The following LRMDA variants were observed in gnomAD, a reference collection of about 807,000 sequenced individuals.
The protein encoded by LRMDA is leucine-rich melanocyte differentiation-associated protein.
LRMDA carries 18 observed loss-of-function variants against 29.8 expected under a neutral mutation model. The ratio of observed to expected loss-of-function variants is 0.60; its 90% CI spans 0.42 to 0.90. The LOEUF is 0.90. LRMDA is among the 40% of genes least tolerant of loss of function. The pLI, the probability that LRMDA is intolerant of heterozygous loss-of-function variation, is 0.00. For synonymous variants in LRMDA, 125 were observed against 109.4 expected (o/e 1.14, Z -0.89); for missense variants, 273 against 273.9 (o/e 1.00, Z 0.02).
chr10:76,550,060 C>T (rs1276585574), intron 6 of LRMDA, among the ~76,000 whole-genome samples: 2 of 152,040 alleles, frequency 1.3e-5, no homozygotes, highest in African/African-American at 4.8e-5. Flanking sequence ...TTGGCCAGAG[C>T]TGATTGAGGA....
intron 6 of LRMDA, among the ~76,000 whole-genome samples, chr10:76,548,863 T>C (rs868733985): frequency 4.6e-5 from 7 of 152,198 alleles, no homozygotes; most frequent in African/African-American, 1.4e-4. Flanking sequence ...TAGCCTAATA[T>C]TTCTTTCATG....
chr10:75,729,654 G>T (rs565237719), intron 2 of LRMDA, among the ~76,000 whole-genome samples: 1 of 152,306 alleles, frequency 6.6e-6, no homozygotes, highest in South Asian at 2.1e-4. Flanking sequence ...AAATACTAAG[G>T]TGAGGGAGTT....
intron 5 of LRMDA, among the ~76,000 whole-genome samples, chr10:76,066,476 C>G (rs945176481): frequency 1.3e-5 from 2 of 151,932 alleles, no homozygotes; most frequent in Non-Finnish European, 2.9e-5. Context: ...TTTTTTCCCC[C>G]GGGTCTTCCT....
intron 6 of LRMDA, among the ~76,000 whole-genome samples, chr10:76,429,401 A>G (rs1186837140): frequency 6.6e-6 from 1 of 152,154 alleles, no homozygotes; most frequent in Non-Finnish European, 1.5e-5. Flanking sequence ...TTCTCCCCTT[A>G]TGAAGATTGC....
intron 2 of LRMDA, among the ~76,000 whole-genome samples, chr10:75,917,253 C>A (rs1346048610): frequency 1.3e-5 from 2 of 152,148 alleles, no homozygotes; most frequent in Non-Finnish European, 2.9e-5. Context: ...TGTGGCCTCT[C>A]CTCTGTCTCC....
chr10:76,038,871 G>A (rs1848296295), intron 3 of LRMDA, among the ~76,000 whole-genome samples: 1 of 152,134 alleles, frequency 6.6e-6, no homozygotes, highest in Non-Finnish European at 1.5e-5. Flanking sequence ...TCAGATGTTT[G>A]GCCAGGGCTC....
intron 2 of LRMDA, among the ~76,000 whole-genome samples, chr10:75,599,133 A>G (rs940640424): frequency 1.3e-5 from 2 of 148,648 alleles, no homozygotes; most frequent in Admixed American, 6.6e-5. Context: ...TCTAGCCATT[A>G]CCGGCTGGCG....
intron 2 of LRMDA, among the ~76,000 whole-genome samples, chr10:75,951,637 A>G (rs1047099005): frequency 3.9e-5 from 6 of 152,210 alleles, no homozygotes; most frequent in Non-Finnish European, 5.9e-5. Flanking sequence ...GAATCACTTA[A>G]AACAAATCAT....
intron 2 of LRMDA, among the ~76,000 whole-genome samples, chr10:75,653,174 C>T (rs1468505959): frequency 6.6e-6 from 1 of 152,132 alleles, no homozygotes; most frequent in Admixed American, 6.5e-5. Context: ...ATTCCTATTC[C>T]AGGTGAAGAT....
At chr10:76,020,458 C>T (rs1236758934) in intron 2 of LRMDA, among the ~76,000 whole-genome samples, 1 of 152,220 alleles carries the variant, frequency 6.6e-6, no homozygotes, top group Non-Finnish European at 1.5e-5. Context: ...TGAGTGCTTT[C>T]TGGTTTGCCA....
At chr10:76,378,826 G>A (rs974576354) in intron 6 of LRMDA, among the ~76,000 whole-genome samples, 20 of 142,110 alleles carry the variant, frequency 1.4e-4, no homozygotes, top group African/African-American at 3.4e-4. Flanking sequence ...GTATTGGTGT[G>A]TCTTTTCTTT....
chr10:76,365,618 T>C (rs987053294), intron 6 of LRMDA, among the ~76,000 whole-genome samples: 4 of 152,234 alleles, frequency 2.6e-5, no homozygotes, highest in African/African-American at 9.6e-5. Context: ...CTGATTTGTT[T>C]GAGTTCGTTG....
At chr10:76,458,243 T>A (rs966499234) in intron 6 of LRMDA, among the ~76,000 whole-genome samples, 13 of 152,132 alleles carry the variant, frequency 8.5e-5, no homozygotes, top group African/African-American at 2.4e-4. Context: ...GGGTGGGTTG[T>A]TGAATTTTAT....
intron 2 of LRMDA, among the ~76,000 whole-genome samples, chr10:75,993,427 C>T (rs1035426522): frequency 6.6e-6 from 1 of 152,080 alleles, no homozygotes; most frequent in East Asian, 1.9e-4. Flanking sequence ...ATTGTTATCC[C>T]CATTTTGCAG....
At chr10:75,578,152 T>G (rs1297804238) in intron 2 of LRMDA, among the ~76,000 whole-genome samples, 2 of 132,416 alleles carry the variant, frequency 1.5e-5, no homozygotes, top group East Asian at 4.8e-4. Flanking sequence ...CCATCTCATG[T>G]GCAAAGACAC....
intron 1 of LRMDA, among the ~76,000 whole-genome samples, chr10:75,432,626 T>A (rs1844213530): frequency 6.6e-6 from 1 of 152,240 alleles, no homozygotes; most frequent in Non-Finnish European, 1.5e-5. Flanking sequence ...GAAATAGTTC[T>A]GAGTTTTTGA....
chr10:75,552,605 G>A, intron 2 of LRMDA: 1 of 440,492 alleles, frequency 2.3e-6, no homozygotes, highest in Non-Finnish European at 4.6e-6. Context: ...TTGAACTGTG[G>A]TTTGCTCTTT....
At chr10:75,911,401 C>T (rs1314398107) in intron 2 of LRMDA, among the ~76,000 whole-genome samples, 1 of 152,092 alleles carries the variant, frequency 6.6e-6, no homozygotes, top group Non-Finnish European at 1.5e-5. Context: ...GACAGTGCTA[C>T]CTGAGAGACT....
intron 5 of LRMDA, among the ~76,000 whole-genome samples, chr10:76,139,070 T>G (rs1460867654): frequency 6.6e-6 from 1 of 152,202 alleles, no homozygotes; most frequent in South Asian, 2.1e-4. Flanking sequence ...TGTATTCCTT[T>G]GCTGCCAAAT....
Sources: allele counts gnomAD v4.1 joint callset (sites outside exome capture counted in the v4.1 genomes callset), GRCh38; gene constraint gnomAD v4.1.1; transcripts MANE v1.5; gene names NCBI Gene and HGNC (gene_info 2026-07-23, HGNC 2026-07-21).